AFF2: variants seen among roughly 807,000 people sequenced by gnomAD.
The protein encoded by AFF2 is AF4/FMR2 family member 2.
In AFF2, 14 loss-of-function variants were observed where a neutral mutation model predicts 76.9. The observed-to-expected ratio is 0.18, with a 90% CI of 0.12 to 0.28. AFF2 has a LOEUF of 0.28. AFF2 is among the 10% of genes least tolerant of loss of function. The pLI is 1.00. For missense variants in AFF2, 868 were observed against 1,001.1 expected (o/e 0.87, Z 1.79); for synonymous variants, 398 against 366.7 (o/e 1.09, Z -0.98).
chrX:148,701,011 A>AGAG (rs10675199), intron 3 of AFF2, among the ~76,000 whole-genome samples: 15 of 61,125 alleles, frequency 2.5e-4, no homozygotes, highest in South Asian at 1.2e-3. Context: ...AGAGAGAGAG[A>AGAG]ATGTGTGTGT....
chrX:148,715,799 C>T (rs1033661196), intron 3 of AFF2, among the ~76,000 whole-genome samples: 5 of 111,777 alleles, frequency 4.5e-5, no homozygotes, highest in African/African-American at 9.8e-5. Context: ...ATACAATCAT[C>T]TTCTCTGATT....
intron 1 of AFF2, among the ~76,000 whole-genome samples, chrX:148,605,277 C>T (rs782214128): frequency 1.8e-4 from 20 of 111,483 alleles, no homozygotes; most frequent in Non-Finnish European, 3.6e-4. Flanking sequence ...TGTGAATATA[C>T]GATAATGAGC....
At chrX:148,594,479 TC>T (rs1204396585) in intron 1 of AFF2, among the ~76,000 whole-genome samples, 33 of 107,621 alleles carry the variant, frequency 3.1e-4, no homozygotes, top group African/African-American at 1.1e-3. Context: ...CTAATTTAAC[TC>T]CCTTTTAAAA....
At position 148,540,794 on chromosome X, in the gene AFF2, C is replaced by T. The variant is rs374479633; in HGVS notation, c.47+39650C>T. Among the ~76,000 whole-genome samples the T allele has an allele frequency of 6.3e-5, 7 of 111,882 alleles. No homozygotes were observed. The East Asian group carries it at 8.5e-4, about 14-fold the overall frequency. ...GCATGAGGAGAATGTGCAAAACTCA[C>T]GCAATGAGATAATTCTGAGGCTTCC... On this transcript the variant is annotated intron_variant, in intron 1 of 20. Transcript: ENST00000370460.
chrX:148,835,630 G>A (rs1339480338), intron 4 of AFF2, among the ~76,000 whole-genome samples: 8 of 108,595 alleles, frequency 7.4e-5, no homozygotes, highest in African/African-American at 2.7e-4. Flanking sequence ...GACTATAGGC[G>A]CGCACCACCA....
At chrX:148,937,876 G>A (rs1194824389) in intron 9 of AFF2, among the ~76,000 whole-genome samples, 2 of 112,179 alleles carry the variant, frequency 1.8e-5, no homozygotes, top group Non-Finnish European at 3.8e-5. Flanking sequence ...CATAAAATTT[G>A]TATGAAAAAG....
At chrX:148,642,383 T>C (rs1480496931) in intron 1 of AFF2, among the ~76,000 whole-genome samples, 1 of 112,771 alleles carries the variant, frequency 8.9e-6, no homozygotes, top group African/African-American at 3.2e-5. Flanking sequence ...GAGAAAATAT[T>C]GTTTTAAATT....
chrX:148,682,397 T>A (rs2054559487), intron 3 of AFF2, among the ~76,000 whole-genome samples: 1 of 112,165 alleles, frequency 8.9e-6, no homozygotes, highest in South Asian at 3.7e-4. Flanking sequence ...CCTGCCACCA[T>A]GGGCCACAGC....
intron 20 of AFF2, among the ~76,000 whole-genome samples, chrX:148,989,402 A>G (rs1242672686): frequency 9.0e-6 from 1 of 110,747 alleles, no homozygotes; most frequent in Non-Finnish European, 1.9e-5. Context: ...TAATCTTGTC[A>G]TTAGCACAGT....
intron 1 of AFF2, among the ~76,000 whole-genome samples, chrX:148,591,447 C>T (rs1438450298): frequency 3.6e-5 from 4 of 112,577 alleles, no homozygotes; most frequent in Non-Finnish European, 7.5e-5. Context: ...GTTTCTTTCT[C>T]TCCTTCAGGA....
chrX:148,912,447 A>G (rs963730962), intron 9 of AFF2, among the ~76,000 whole-genome samples: 1 of 111,684 alleles, frequency 9.0e-6, no homozygotes, highest in Non-Finnish European at 1.9e-5. Context: ...ACAACAGACA[A>G]CTGGGCCTAT....
chrX:148,617,573 ATTAGATCCCATTTGTCAATTT>A (rs1427543667), intron 1 of AFF2, among the ~76,000 whole-genome samples: 1 of 112,131 alleles, frequency 8.9e-6, no homozygotes, highest in Non-Finnish European at 1.9e-5. Flanking sequence ...ATTTAGTTGA[ATTAGATCCCATTTGTCAATTT>A]TGGCTTTTGT....
chrX:148,631,716 G>A (rs1310635320), intron 1 of AFF2, among the ~76,000 whole-genome samples: 6 of 112,426 alleles, frequency 5.3e-5, no homozygotes, highest in African/African-American at 9.7e-5. Context: ...GCCAGAACCC[G>A]GGAGTTGTTG....
chrX:148,525,805 GATTTC>G (rs2052651645), intron 1 of AFF2, among the ~76,000 whole-genome samples: 1 of 111,901 alleles, frequency 8.9e-6, no homozygotes, highest in African/African-American at 3.2e-5. Flanking sequence ...AACAACATTT[GATTTC>G]ATGTATATAT....
chrX:148,632,903 G>C (rs2053993943), intron 1 of AFF2, among the ~76,000 whole-genome samples: 1 of 111,696 alleles, frequency 9.0e-6, no homozygotes, highest in South Asian at 3.8e-4. Context: ...GGAAACCCAG[G>C]TCTCCACTTC....
chrX:148,605,547 G>A (rs933072840), intron 1 of AFF2, among the ~76,000 whole-genome samples: 20 of 111,937 alleles, frequency 1.8e-4, no homozygotes, highest in African/African-American at 6.5e-4. Context: ...ACTCTGATAA[G>A]TGAAATCAGG....
chrX:148,592,770 G>A (rs1327890412), intron 1 of AFF2, among the ~76,000 whole-genome samples: 4 of 111,790 alleles, frequency 3.6e-5, no homozygotes, highest in South Asian at 3.7e-4. Flanking sequence ...CCTGAGGCAC[G>A]TGGCCTTTGG....
chrX:148,701,012 A>AGAGAG (rs782232655), intron 3 of AFF2, among the ~76,000 whole-genome samples: 25 of 73,670 alleles, frequency 3.4e-4, no homozygotes, highest in African/African-American at 1.1e-3. Context: ...GAGAGAGAGA[A>AGAGAG]TGTGTGTGTG....
chrX:148,601,804 A>G (rs1557248109), intron 1 of AFF2, among the ~76,000 whole-genome samples: 1 of 112,045 alleles, frequency 8.9e-6, no homozygotes, highest in Non-Finnish European at 1.9e-5. Context: ...TCTTTCTGCA[A>G]ACAGCATAAA....
Sources: allele counts gnomAD v4.1 joint callset (sites outside exome capture counted in the v4.1 genomes callset), GRCh38; gene constraint gnomAD v4.1.1; transcripts MANE v1.5; gene names NCBI Gene and HGNC (gene_info 2026-07-23, HGNC 2026-07-21).